Variants in BRAF observed in about 807,000 individuals in gnomAD.
The protein encoded by BRAF is B-Raf proto-oncogene, serine/threonine kinase.
In BRAF, 16 loss-of-function variants were observed where a neutral mutation model predicts 104.6. The ratio of observed to expected loss-of-function variants is 0.15; its 90% CI spans 0.10 to 0.23. The LOEUF (loss-of-function observed/expected upper bound fraction) is 0.23, where lower values mean the gene tolerates loss of function less well. Among genes scored for constraint, BRAF ranks in the 10% least tolerant of loss-of-function variants. The pLI, the probability that BRAF is intolerant of heterozygous loss-of-function variation, is 1.00. For synonymous variants in BRAF, 310 were observed against 341.6 expected (o/e 0.91, Z 1.02); for missense variants, 541 against 937.3 (o/e 0.58, Z 5.52).
At chr7:140,785,969 T>A (rs1441038950) in intron 9 of BRAF, among the ~76,000 whole-genome samples, 1 of 152,318 alleles carries the variant, frequency 6.6e-6, no homozygotes, top group South Asian at 2.1e-4. Context: ...AATGATTTTT[T>A]AAAAAGTGAC....
At chr7:140,861,150 G>C (rs1035376988) in intron 1 of BRAF, among the ~76,000 whole-genome samples, 9 of 152,190 alleles carry the variant, frequency 5.9e-5, no homozygotes, top group African/African-American at 2.2e-4. Flanking sequence ...CCAGCAAACA[G>C]TTTGCAAACC....
intron 1 of BRAF, among the ~76,000 whole-genome samples, chr7:140,893,268 G>A (rs1015779577): frequency 1.1e-5 from 1 of 93,748 alleles, no homozygotes; most frequent in Non-Finnish European, 2.1e-5. Context: ...TTTTTTTTTT[G>A]AGACAGAGTC....
intron 5 of BRAF, among the ~76,000 whole-genome samples, chr7:140,804,214 A>AT (rs570479952): frequency 2.3e-4 from 33 of 146,116 alleles, no homozygotes; most frequent in Non-Finnish European, 1.5e-4. Flanking sequence ...TTTTTCAGAG[A>AT]TTTTTTTTTT....
chr7:140,863,716 T>C (rs1267620), intron 1 of BRAF, among the ~76,000 whole-genome samples: 15,936 of 152,054 alleles, frequency 0.1, 957 homozygotes, highest in South Asian at 0.19. Flanking sequence ...GATCTGATTG[T>C]TTACAAGTGT....
chr7:140,803,681 T>C (rs61398083), intron 5 of BRAF, among the ~76,000 whole-genome samples: 10,204 of 152,178 alleles, frequency 0.067, 1,076 homozygotes, highest in African/African-American at 0.23. Context: ...ATGTTAAGAA[T>C]TCCATGTCAA....
chr7:140,801,122 T>C (rs1022311739), intron 6 of BRAF: 2 of 300,914 alleles, frequency 6.6e-6, no homozygotes, highest in African/African-American at 4.4e-5. Flanking sequence ...GAAACAACTC[T>C]CCCTCTCCTC....
At chr7:140,728,505 C>G (rs1437284952) in intron 19 of BRAF, among the ~76,000 whole-genome samples, 1 of 151,186 alleles carries the variant, frequency 6.6e-6, no homozygotes, top group Non-Finnish European at 1.5e-5. Flanking sequence ...AGAATTATTG[C>G]CTCATATTTA....
chr7:140,739,694 G>A, intron 18 of BRAF, 118 bp downstream of exon 17: 2 of 1,198,904 alleles, frequency 1.7e-6, no homozygotes, highest in Non-Finnish European at 2.4e-6. Flanking sequence ...TTTCTTGTCT[G>A]GAGTCTGCAC....
chr7:140,857,123 G>T (rs1359909625), intron 1 of BRAF, among the ~76,000 whole-genome samples: 1 of 152,142 alleles, frequency 6.6e-6, no homozygotes. Flanking sequence ...CTGGATATCT[G>T]GGTAAGCCCT....
Position 140,794,378 on chromosome 7 carries a change from A to G in BRAF, c.1070T>C (p.Phe357Ser), listed in dbSNP as rs993830683. The G allele has an allele frequency of 6.2e-7, 1 of 1,614,052 alleles. No individual in the cohort carries two copies. The highest frequency in any genetic ancestry group is 8.5e-7 in the Non-Finnish European group (1 of 1,180,000). The part of the protein sequence containing the change: ...RPADEDHRNQ[F>S]GQRDRSSSAP... ...TGATGAGGATCGGTCTCGTTGCCCA[A>G]ATTGATTTCGATGATCTTCATCTGC... Residue 357 changes from phenylalanine to serine, a missense_variant, in exon 8 of 20, where the codon TTT (phenylalanine) becomes TCT (serine). By Grantham distance (155) the Phe-to-Ser change is radical (BLOSUM62 -2). This residue lies in a region of BRAF where 79 missense variants were observed against 74.6 expected (regional missense o/e 1.06). Transcript: ENST00000644969.
intron 1 of BRAF, among the ~76,000 whole-genome samples, chr7:140,874,242 G>A (rs995064573): frequency 7.0e-6 from 1 of 141,848 alleles, no homozygotes; most frequent in Non-Finnish European, 1.5e-5. Context: ...TCTCACTGTC[G>A]CCAGACTGGA....
intron 14 of BRAF, among the ~76,000 whole-genome samples, chr7:140,754,940 C>T (rs1264718150): frequency 6.6e-6 from 1 of 152,126 alleles, no homozygotes; most frequent in African/African-American, 2.4e-5. Flanking sequence ...TTAAAGTCAA[C>T]GATAACTTTA....
At chr7:140,888,177 C>T (rs867813924) in intron 1 of BRAF, among the ~76,000 whole-genome samples, 1 of 152,250 alleles carries the variant, frequency 6.6e-6, no homozygotes, top group Middle Eastern at 3.4e-3. Flanking sequence ...CTGGCCTCAG[C>T]ATTTAATATT....
intron 18 of BRAF, among the ~76,000 whole-genome samples, chr7:140,738,616 T>TTCTTG (rs1323482816): frequency 6.6e-6 from 1 of 152,168 alleles, no homozygotes; most frequent in African/African-American, 2.4e-5. Flanking sequence ...TATTTAGATA[T>TTCTTG]TTTTGTTTTG....
chr7:140,753,558 A>G lies in BRAF; in HGVS notation c.1862-165T>C, dbSNP rs145504304. On this transcript the variant is annotated intron_variant, in intron 15 of 19. Coordinates refer to ENST00000644969, the MANE Select transcript of BRAF (RefSeq NM_001374258.1). ...CTTAGAGTCAATAAGTATGTCTAAA[A>G]CAATGATTAGTTCTATTTAGCCTAT... The G allele has an allele frequency of 6.3e-5, 35 of 555,466 alleles. No homozygotes were observed. The East Asian group carries it at 9.7e-4, about 15-fold the overall frequency. The allele number at this position is 555,466 out of a possible 1,614,324, so 34.4% of individuals were successfully genotyped here.
intron 3 of BRAF, chr7:140,823,571 G>A (rs1461669314): frequency 6.6e-6 from 1 of 152,108 alleles, no homozygotes; most frequent in East Asian, 1.9e-4. Flanking sequence ...ACAGAAATCT[G>A]GGTTGCTTCT....
At chr7:140,899,898 T>C (rs777085335) in intron 1 of BRAF, among the ~76,000 whole-genome samples, 10 of 152,166 alleles carry the variant, frequency 6.6e-5, no homozygotes, top group Non-Finnish European at 1.0e-4. Context: ...AGTGATGGGG[T>C]GCCACTTCCA....
rs2130821794 is a variant in BRAF at position 140,722,473 on chromosome 7, A to G, written c.*4021T>C. 7 of 1,055,572 alleles carry G rather than the reference A, an allele frequency of 6.6e-6. No homozygotes were observed. Among genetic ancestry groups the G allele is most frequent in the East Asian group, 5.3e-5 (1 of 18,832 alleles). The allele number at this position is 1,055,572 out of a possible 1,614,324, so 65.4% of individuals were successfully genotyped here. A position where few individuals can be genotyped will look rare whatever the true frequency, so the allele number is the denominator to read the frequency against. Reference sequence around the variant, plus strand: ...GCAAATTGTCAAGGTATTTTTCTAGAGCCTCACCTACACCATTTCAACTCA... The same window carrying G: ...GCAAATTGTCAAGGTATTTTTCTAGGGCCTCACCTACACCATTTCAACTCA... On this transcript the variant is annotated 3_prime_UTR_variant, in exon 20 of 20. Transcript: ENST00000644969.
chr7:140,858,894 A>G (rs1810093840), intron 1 of BRAF, among the ~76,000 whole-genome samples: 2 of 152,040 alleles, frequency 1.3e-5, no homozygotes, highest in South Asian at 4.1e-4. Context: ...TATTTGTAGG[A>G]AACATGCTAT....
Sources: gnomAD v4.1 joint callset for allele counts (sites outside exome capture counted in the v4.1 genomes callset) on GRCh38, gnomAD v4.1.1 for gene constraint, gnomAD v4.1.1 regional missense constraint, MANE v1.5 for transcripts, NCBI Gene and HGNC (gene_info 2026-07-23, HGNC 2026-07-21) for gene names.